WDFY4: variants seen among roughly 807,000 people sequenced by gnomAD.
WDFY4 encodes WD repeat- and FYVE domain-containing protein 4.
A neutral mutation model predicts 351.9 loss-of-function variants in WDFY4; 169 were observed. The ratio of observed to expected loss-of-function variants is 0.48; its 90% CI spans 0.42 to 0.55. The LOEUF (loss-of-function observed/expected upper bound fraction) is 0.55. WDFY4 is among the 20% of genes least tolerant of loss of function. WDFY4 has a pLI of 0.00. For synonymous variants in WDFY4, 1,622 were observed against 1,574.6 expected, an observed-to-expected ratio of 1.03 and a Z score of -0.71; for missense variants, 3,803 against 3,935.6, an observed-to-expected ratio of 0.97 and a Z score of 0.90.
rs1459763133 is a variant in WDFY4, at chr10:48,830,747, G to A, written c.6388G>A (p.Val2130Met). The A allele has an allele frequency of 3.2e-6, 5 of 1,551,694 alleles. No homozygotes were observed. Among genetic ancestry groups the A allele is most frequent in the South Asian group, 1.2e-5 (1 of 84,048 alleles). ...AGTGCAGACTCTCTGGCAGCAGCTG[G>A]TGGCACAAAGGCAGCAGACCCTGGA... ...KTVQTLWQQL[V>M]AQRQQTLEDA... Residue 2130 changes from valine to methionine, a missense_variant, in exon 38 of 62, where the codon GTG becomes ATG. Val to Met is a conservative substitution (Grantham distance 21). This residue lies in a region of WDFY4 where 3,054 missense variants were observed against 3,148.6 expected (regional missense o/e 0.97). Transcript: ENST00000325239.
At chr10:48,868,113 T>C (rs2069619203) in intron 40 of WDFY4, among the ~76,000 whole-genome samples, 1 of 152,154 alleles carries the variant, frequency 6.6e-6, no homozygotes, top group Non-Finnish European at 1.5e-5. Context: ...TTACACATGG[T>C]GCCCGGTGCC....
chr10:48,766,687 A>G (rs368517783), intron 13 of WDFY4, among the ~76,000 whole-genome samples: 1 of 152,230 alleles, frequency 6.6e-6, no homozygotes, highest in Non-Finnish European at 1.5e-5. Context: ...TGGATGTGGA[A>G]TGGTGGTGTA....
Position 48,779,030 on chromosome 10 carries a change from G to C in WDFY4, c.3397+198G>C, listed in dbSNP as rs539410638. 2.0e-5 allele frequency among the ~76,000 whole-genome samples: 3 copies of C among 152,314 alleles called. No individual in the cohort carries two copies. In the East Asian group the frequency reaches 5.8e-4, roughly 29 times the overall value. On this transcript the variant is annotated intron_variant, in intron 18 of 61. Coordinates refer to ENST00000325239, the MANE Select transcript of WDFY4 (RefSeq NM_001394531.1). ...TGGTTCACTGTGGCCTGGGCTCTAG[G>C]CTTGTAAGTGTCAGGCAGATGAGGC...
intron 39 of WDFY4, among the ~76,000 whole-genome samples, chr10:48,846,428 A>T (rs918058046): frequency 1.3e-5 from 2 of 151,896 alleles, no homozygotes; most frequent in African/African-American, 4.8e-5. Flanking sequence ...TTACTCCCTC[A>T]CAAGAACTTT....
chr10:48,971,111 C>G (rs574316666), intron 57 of WDFY4, among the ~76,000 whole-genome samples: 31 of 152,304 alleles, frequency 2.0e-4, no homozygotes, highest in Non-Finnish European at 4.1e-4. Flanking sequence ...CCGGAACTTG[C>G]TCTAGAATAT....
At chr10:48,821,426 A>G (rs1032929854) in intron 34 of WDFY4, among the ~76,000 whole-genome samples, 6 of 152,196 alleles carry the variant, frequency 3.9e-5, no homozygotes, top group Non-Finnish European at 7.4e-5. Context: ...TTTTGCCTCT[A>G]AGCAAAAATC....
At position 48,728,292 on chromosome 10, in the gene WDFY4, G is replaced by A. The variant is rs57137325; in HGVS notation, c.971+633G>A. Among the ~76,000 whole-genome samples the A allele has an allele frequency of 9.1e-3, 1,385 of 152,264 alleles. 18 individuals are homozygous for A. Among genetic ancestry groups the A allele is most frequent in the African/African-American group, 0.032 (1,324 of 41,546 alleles). On this transcript the variant is annotated intron_variant, in intron 7 of 61. Coordinates refer to ENST00000325239, the MANE Select transcript of WDFY4 (RefSeq NM_001394531.1). ...CATGGGAAACCCAAGCTCAGACACC[G>A]TTCAGCAGGGCCTGGGCTGGCTCCT...
In WDFY4 at chr10:48,911,982, T is replaced by C. The variant is rs982342246; in HGVS notation, c.7586+10119T>C. 4.6e-5 allele frequency among the ~76,000 whole-genome samples: 7 copies of C among 152,306 alleles called. No individual in the cohort carries two copies. In the South Asian group the frequency reaches 8.3e-4, roughly 18 times the overall value. Reference sequence around the variant, plus strand: ...GAGGAGAAAATAAGTTAATACCACTTCACTGATGGATGCCTCTTGGTGCTT... The same window carrying C: ...GAGGAGAAAATAAGTTAATACCACTCCACTGATGGATGCCTCTTGGTGCTT... On this transcript the variant is annotated intron_variant, in intron 47 of 61. Coordinates refer to ENST00000325239, the MANE Select transcript of WDFY4 (RefSeq NM_001394531.1).
chr10:48,877,229 G>T lies in WDFY4; in HGVS notation c.7167+30G>T, dbSNP rs531465924. The T allele has an allele frequency of 6.4e-5, 99 of 1,535,572 alleles. No homozygotes were observed. The African/African-American group carries it at 1.3e-3, about 20-fold the overall frequency. ...TATACCCCATTGCAATAGCCTTTAA[G>T]ATTTTTAAGTTAGTTGTTAAGATTG... is the stretch of plus-strand genomic sequence containing the variant. On this transcript the variant is annotated intron_variant, in intron 43 of 61. Transcript: ENST00000325239.
chr10:48,900,085 G>A lies in WDFY4; in HGVS notation c.7438-136G>A, dbSNP rs1369514898. On this transcript the variant is annotated intron_variant, in intron 45 of 61. Transcript: ENST00000325239. ...CTGTCACCAAGGTCTTCCTACCATG[G>A]GAACTCAAAAGGACGACCCAGGAAG... 2.7e-5 allele frequency: 18 copies of A among 676,510 alleles called. No individual in the cohort carries two copies. In the East Asian group the frequency reaches 2.9e-4, roughly 11 times the overall value. The allele number at this position is 676,510 out of a possible 1,614,324, so 41.9% of individuals were successfully genotyped here. A position where few individuals can be genotyped will look rare whatever the true frequency, so the allele number is the denominator to read the frequency against.
chr10:48,844,835 CTGTT>C (rs1022442936), intron 39 of WDFY4, among the ~76,000 whole-genome samples: 1 of 152,214 alleles, frequency 6.6e-6, no homozygotes, highest in Non-Finnish European at 1.5e-5. Flanking sequence ...CTCCCACACT[CTGTT>C]TGAGGGGAAG....
At chr10:48,958,598 A>G (rs1402243679) in intron 52 of WDFY4, among the ~76,000 whole-genome samples, 1 of 152,154 alleles carries the variant, frequency 6.6e-6, no homozygotes, top group African/African-American at 2.4e-5. Flanking sequence ...TACTGTATAT[A>G]GGGACCTTTT....
At chr10:48,687,135 A>G (rs1038529298) in intron 1 of WDFY4, among the ~76,000 whole-genome samples, 8 of 152,130 alleles carry the variant, frequency 5.3e-5, no homozygotes, top group East Asian at 3.9e-4. Context: ...CATCTTTTTC[A>G]TATGTTTATT....
Position 48,981,286 on chromosome 10 carries a change from TTGCGGCCCCGTG to T in WDFY4, c.9377-77_9377-66del, listed in dbSNP as rs139564220. ...CAAATATAAATATGTGCGTATGTGT[TTGCGGCCCCGTG>T]TGCAGATGCACACTGTATGTGCGAA... On this transcript the variant is annotated intron_variant, in intron 60 of 61. Transcript: ENST00000325239. 9.2e-5 allele frequency: 107 copies of T among 1,160,944 alleles called. No individual in the cohort carries two copies. In the African/African-American group the frequency reaches 1.5e-3, roughly 17 times the overall value. 71.9% of individuals were successfully genotyped at this position (1,160,944 alleles called of 1,614,324 possible). A position where few individuals can be genotyped will look rare whatever the true frequency, so the allele number is the denominator to read the frequency against.
At chr10:48,956,251 C>T (rs1841583940) in intron 51 of WDFY4, among the ~76,000 whole-genome samples, 1 of 152,234 alleles carries the variant, frequency 6.6e-6, no homozygotes, top group South Asian at 2.1e-4. Flanking sequence ...TACCAGGCCA[C>T]CTGTGGCCAT....
chr10:48,952,986 G>T (rs984544002), intron 51 of WDFY4, among the ~76,000 whole-genome samples: 5 of 152,096 alleles, frequency 3.3e-5, no homozygotes, highest in African/African-American at 4.8e-5. Flanking sequence ...GCTACCAAAA[G>T]CTGCCCTGAC....
chr10:48,874,432 T>C (rs967660595), intron 41 of WDFY4, among the ~76,000 whole-genome samples: 1 of 152,196 alleles, frequency 6.6e-6, no homozygotes, highest in Non-Finnish European at 1.5e-5. Context: ...GAATGCTGGA[T>C]TTTTTTCTTC....
intron 39 of WDFY4, among the ~76,000 whole-genome samples, chr10:48,859,756 G>A (rs1297344569): frequency 6.6e-6 from 1 of 152,092 alleles, no homozygotes. Flanking sequence ...CTATTTTCTA[G>A]ATTATATTTT....
intron 1 of WDFY4, among the ~76,000 whole-genome samples, chr10:48,705,258 T>A (rs2063595727): frequency 6.6e-6 from 1 of 152,222 alleles, no homozygotes; most frequent in Admixed American, 6.5e-5. Flanking sequence ...TAAAATTTTG[T>A]TCATCATGGA....
Sources: allele counts gnomAD v4.1 joint callset (sites outside exome capture counted in the v4.1 genomes callset), GRCh38; gene constraint gnomAD v4.1.1; regional missense constraint gnomAD v4.1.1; transcripts MANE v1.5; gene names NCBI Gene and HGNC (gene_info 2026-07-23, HGNC 2026-07-21).